The following RPGRIP1L variants were observed in gnomAD, a reference collection of about 807,000 sequenced individuals.
The protein encoded by RPGRIP1L is protein fantom.
A neutral mutation model predicts 160.4 loss-of-function variants in RPGRIP1L; 131 were observed. The observed-to-expected ratio is 0.82, with a 90% CI of 0.71 to 0.94. The LOEUF (loss-of-function observed/expected upper bound fraction) is 0.94, where lower values mean the gene tolerates loss of function less well. Ranked by LOEUF, RPGRIP1L falls within the 40% of genes least tolerant of loss-of-function variation. The pLI, the probability that RPGRIP1L is intolerant of heterozygous loss-of-function variation, is 0.00. For synonymous variants in RPGRIP1L, 510 were observed against 515.8 expected (o/e 0.99, Z 0.15); for missense variants, 1,522 against 1,535.8 (o/e 0.99, Z 0.15).
chr16:53,624,501 G>A (rs1201494694), intron 22 of RPGRIP1L, among the ~76,000 whole-genome samples: 3 of 151,480 alleles, frequency 2.0e-5, no homozygotes, highest in Admixed American at 1.3e-4. Flanking sequence ...CTGAGATTGC[G>A]CCACTGCACT....
At chr16:53,668,039 CAG>C (rs1968419507) in intron 9 of RPGRIP1L, among the ~76,000 whole-genome samples, 1 of 150,700 alleles carries the variant, frequency 6.6e-6, no homozygotes, top group South Asian at 2.1e-4. Flanking sequence ...GCCTGGACAA[CAG>C]AGCAAGATCC....
rs141143731 is a variant in RPGRIP1L, at chr16:53,670,486, G to GACAC, written c.1103+1020_1103+1023dup. On this transcript the variant is annotated intron_variant, in intron 9 of 26. Transcript: ENST00000647211. Reference sequence around the variant, plus strand: ...AAAAAGACTTAAAATTACACACACAGACACACACACACACAGATATCTGTA... The same window carrying GACAC: ...AAAAAGACTTAAAATTACACACACAGACACACACACACACACACAGATATCTGTA... 2.1e-4 allele frequency among the ~76,000 whole-genome samples: 32 copies of GACAC among 151,236 alleles called. 1 individual carries two copies. In the Middle Eastern group the frequency reaches 0.01, roughly 49 times the overall value.
chr16:53,703,753 T>G (rs1421561665), intron 1 of RPGRIP1L, 50 bp downstream of exon 1: 4 of 297,914 alleles, frequency 1.3e-5, no homozygotes, highest in African/African-American at 6.5e-5. Flanking sequence ...GTGGGGAGGG[T>G]CAGCAACCTC....
chr16:53,660,889 T>C (rs1031336368), intron 10 of RPGRIP1L, among the ~76,000 whole-genome samples: 3 of 135,276 alleles, frequency 2.2e-5, no homozygotes, highest in African/African-American at 8.5e-5. Context: ...TGAGACTACA[T>C]CTAAAAAAAA....
chr16:53,689,458 A>G (rs1970245027), intron 4 of RPGRIP1L, among the ~76,000 whole-genome samples: 1 of 152,170 alleles, frequency 6.6e-6, no homozygotes, highest in South Asian at 2.1e-4. Flanking sequence ...ACCAATGGTT[A>G]CATTTCAAAA....
rs180909052 is a variant in RPGRIP1L, at chr16:53,606,306, C to A, written c.3702-692G>T. 6.6e-5 allele frequency among the ~76,000 whole-genome samples: 10 copies of A among 152,310 alleles called. No homozygotes were observed. The East Asian group carries it at 1.9e-3, about 29-fold the overall frequency. ...GGAGGCCAAATGCACTTGGATTGAC[C>A]AAATGACAGGAATTTACAGTTAAGT... On this transcript the variant is annotated intron_variant, in intron 25 of 26. Coordinates refer to ENST00000647211, the MANE Select transcript of RPGRIP1L (RefSeq NM_015272.5).
chr16:53,664,936 C>G lies in RPGRIP1L; in HGVS notation c.1177G>C (p.Glu393Gln), dbSNP rs375776718. The G allele has an allele frequency of 1.9e-6, 3 of 1,613,346 alleles. No homozygotes were observed. The highest frequency in any genetic ancestry group is 2.2e-5 in the South Asian group (2 of 91,076). ...QQLKVQIAQL[E>Q]TALKSDLTDK... ...GTTAAGTCAGACTTCAAGGCAGTCT[C>G]GAGCTGAGCAATCTGCACTTTCAGC... The change falls in exon 10 of 27, where the codon GAG becomes CAG. Residue 393 changes from glutamate to glutamine, a missense_variant. Coordinates refer to ENST00000647211, the MANE Select transcript of RPGRIP1L (RefSeq NM_015272.5).
At chr16:53,693,825 A>C (rs1480934745) in intron 3 of RPGRIP1L, 1 of 152,226 alleles carries the variant, frequency 6.6e-6, no homozygotes, top group Non-Finnish European at 1.5e-5. Context: ...AGGTTGTCAT[A>C]TGAATGAGAC....
chr16:53,613,869 G>C (rs1964201625), intron 24 of RPGRIP1L, among the ~76,000 whole-genome samples: 1 of 152,164 alleles, frequency 6.6e-6, no homozygotes, highest in South Asian at 2.1e-4. Flanking sequence ...TGATTAAATA[G>C]ATCCAGAGAA....
chr16:53,671,568 T>TAA lies in RPGRIP1L; in HGVS notation c.1043_1044dup (p.Asn349LeufsTer4), dbSNP rs1045745556. 6.5e-7 allele frequency: 1 copy of TAA among 1,541,838 alleles called. No homozygotes were observed. Among genetic ancestry groups the TAA allele is most frequent in the Non-Finnish European group, 8.9e-7 (1 of 1,117,492 alleles). On this transcript the variant is annotated frameshift_variant, in exon 9 of 27. Coordinates refer to ENST00000647211, the MANE Select transcript of RPGRIP1L (RefSeq NM_015272.5). LOFTEE classifies it high-confidence loss of function. Reference sequence around the variant, plus strand: ...AGTTCCCGTTCCTTTTCTAAATCATTAATTCTATCCTGCAGCTAAAATGAA... The same window carrying TAA: ...AGTTCCCGTTCCTTTTCTAAATCATTAAAATTCTATCCTGCAGCTAAAATGAA...
chr16:53,642,681 C>T (rs150960887), intron 17 of RPGRIP1L, among the ~76,000 whole-genome samples: 104 of 152,214 alleles, frequency 6.8e-4, no homozygotes, highest in African/African-American at 2.3e-3. Context: ...ATCAACTGCA[C>T]CTCAGTAAGA....
chr16:53,656,606 A>AATC lies in RPGRIP1L; in HGVS notation c.1582-18_1582-17insGAT. The stretch of plus-strand genomic sequence containing the variant: ...AACCTCCATCTACAAAATAAGGGAA[A>AATC]ATAAGTTTTAATACTTATGATTAGT... On this transcript the variant is annotated splice_polypyrimidine_tract_variant and intron_variant, in intron 13 of 26. Coordinates refer to ENST00000647211, the MANE Select transcript of RPGRIP1L (RefSeq NM_015272.5). The AATC allele has an allele frequency of 1.4e-6, 2 of 1,452,002 alleles. No homozygotes were observed. The highest frequency in any genetic ancestry group is 1.9e-6 in the Non-Finnish European group (2 of 1,032,104). 89.9% of individuals were successfully genotyped at this position (1,452,002 alleles called of 1,614,324 possible).
intron 10 of RPGRIP1L, among the ~76,000 whole-genome samples, chr16:53,663,517 A>G (rs1212091512): frequency 5.3e-5 from 8 of 152,120 alleles, no homozygotes; most frequent in Non-Finnish European, 2.9e-5. Flanking sequence ...GGGAATATAG[A>G]GCACTTCCAC....
chr16:53,617,134 G>GGTA (rs986121566), intron 24 of RPGRIP1L, among the ~76,000 whole-genome samples: 18 of 128,046 alleles, frequency 1.4e-4, no homozygotes, highest in African/African-American at 6.1e-4. Flanking sequence ...CAGACCTAGA[G>GGTA]GTAACCATGT....
At position 53,638,499 on chromosome 16, in the gene RPGRIP1L, T is replaced by G. The variant is rs561339531; in HGVS notation, c.2959-88A>C. 4.2e-6 allele frequency: 3 copies of G among 720,244 alleles called. No homozygotes were observed. In the African/African-American group the frequency reaches 5.3e-5, roughly 13 times the overall value. 44.6% of individuals were successfully genotyped at this position (720,244 alleles called of 1,614,324 possible). Reference sequence around the variant, plus strand: ...TTCTATCATATACATATTGAACTACTAAAAATTGGCAGCAAATGTAACAGT... The same window carrying G: ...TTCTATCATATACATATTGAACTACGAAAAATTGGCAGCAAATGTAACAGT... On this transcript the variant is annotated intron_variant, in intron 19 of 26. Transcript: ENST00000647211.
intron 17 of RPGRIP1L, 101 bp downstream of exon 17, chr16:53,645,519 TGAGAA>T (rs1338095109): frequency 1.9e-6 from 2 of 1,048,996 alleles, no homozygotes; most frequent in African/African-American, 3.2e-5. Flanking sequence ...GTTTAAAGAC[TGAGAA>T]GAGGTTAGGG....
chr16:53,630,358 T>C (rs1193723472), intron 22 of RPGRIP1L, among the ~76,000 whole-genome samples: 3 of 152,200 alleles, frequency 2.0e-5, no homozygotes, highest in Non-Finnish European at 4.4e-5. Flanking sequence ...GCCCCATTTG[T>C]TTCTTTTTAA....
At chr16:53,686,301 G>T in intron 6 of RPGRIP1L, 132 bp downstream of exon 6, 1 of 997,374 alleles carries the variant, frequency 1.0e-6, no homozygotes, top group Non-Finnish European at 1.5e-6. Flanking sequence ...TCGAGCATAG[G>T]CTTATATGAA....
chr16:53,683,881 A>C (rs1969789530), intron 6 of RPGRIP1L, among the ~76,000 whole-genome samples: 1 of 152,192 alleles, frequency 6.6e-6, no homozygotes, highest in East Asian at 1.9e-4. Flanking sequence ...GAGATGACAA[A>C]AACAAGCAAT....
Sources: allele counts gnomAD v4.1 joint callset (sites outside exome capture counted in the v4.1 genomes callset), GRCh38; gene constraint gnomAD v4.1.1; transcripts MANE v1.5; gene names NCBI Gene and HGNC (gene_info 2026-07-23, HGNC 2026-07-21).